The following ANKS6 variants were observed in gnomAD, a reference collection of about 807,000 sequenced individuals.
ANKS6 encodes the protein ankyrin repeat and SAM domain-containing protein 6.
A neutral mutation model predicts 77.9 loss-of-function variants in ANKS6; 47 were observed. That is an observed-to-expected ratio of 0.60 (90% CI 0.48 to 0.77). The LOEUF is 0.77. ANKS6 is among the 30% of genes least tolerant of loss of function. ANKS6 has a pLI of 0.00. For missense variants in ANKS6, 1,150 were observed against 1,159.1 expected, an observed-to-expected ratio of 0.99 and a Z score of 0.11; for synonymous variants, 488 against 501.7, an observed-to-expected ratio of 0.97 and a Z score of 0.37.
intron 4 of ANKS6, 153 bp downstream of exon 4, chr9:98,783,800 C>A: frequency 2.0e-6 from 1 of 511,374 alleles, no homozygotes. Flanking sequence ...TGAGCCTGTG[C>A]CGCTTTTTTT....
intron 3 of ANKS6, chr9:98,784,551 AC>A (rs1302283540): frequency 2.2e-6 from 1 of 445,386 alleles, no homozygotes; most frequent in Non-Finnish European, 4.0e-6. Flanking sequence ...TCACAAAGAG[AC>A]TGGAGTGGGT....
At chr9:98,765,033 G>A (rs528956858) in intron 11 of ANKS6, among the ~76,000 whole-genome samples, 3 of 152,260 alleles carry the variant, frequency 2.0e-5, no homozygotes, top group South Asian at 4.2e-4. Context: ...CCTTCTAGCT[G>A]ATTATATGCC....
intron 6 of ANKS6, 106 bp downstream of exon 6, chr9:98,780,083 G>A (rs1432745092): frequency 8.8e-6 from 13 of 1,482,674 alleles, no homozygotes; most frequent in Non-Finnish European, 1.0e-5. Flanking sequence ...CACCCCTGCA[G>A]GGACTCCCTA....
chr9:98,778,668 C>A (rs1372111021), intron 6 of ANKS6, among the ~76,000 whole-genome samples: 1 of 152,188 alleles, frequency 6.6e-6, no homozygotes, highest in East Asian at 1.9e-4. Flanking sequence ...GGCAGTGAAC[C>A]CTATTTGCCA....
At chr9:98,748,216 C>A (rs1832246489) in intron 13 of ANKS6, among the ~76,000 whole-genome samples, 1 of 152,174 alleles carries the variant, frequency 6.6e-6, no homozygotes, top group African/African-American at 2.4e-5. Context: ...CAATCTTCTG[C>A]CTCTCCATCT....
rs917215653 is a variant in ANKS6 at position 98,781,770 on chromosome 9, C to T, written c.1219+697G>A. ...GACTGCAGAGGTGAAAGTCTTCTCT[C>T]CCCACAGCCAACAGCTAGAATCCCA... On this transcript the variant is annotated intron_variant, in intron 5 of 14. Coordinates refer to ENST00000353234, the MANE Select transcript of ANKS6 (RefSeq NM_173551.5). 1.4e-4 allele frequency among the ~76,000 whole-genome samples: 22 copies of T among 152,314 alleles called. No individual in the cohort carries two copies. In the South Asian group the frequency reaches 1.7e-3, roughly 11 times the overall value.
Position 98,734,189 on chromosome 9 carries a change from GA to G in ANKS6, c.*2329del. ...AACCAGCACACAAACTTCCTAGGAT[GA>G]AAAGCCTTGGACACTTGAGTCCAGT... On this transcript the variant is annotated 3_prime_UTR_variant, in exon 15 of 15. Transcript: ENST00000353234. 2.0e-6 allele frequency: 2 copies of G among 985,440 alleles called. No homozygotes were observed. Among genetic ancestry groups the G allele is most frequent in the South Asian group, 9.4e-5 (2 of 21,278 alleles). The allele number at this position is 985,440 out of a possible 1,614,324, so 61.0% of individuals were successfully genotyped here.
At chr9:98,742,484 T>C (rs1046482048) in intron 14 of ANKS6, among the ~76,000 whole-genome samples, 3 of 152,236 alleles carry the variant, frequency 2.0e-5, no homozygotes, top group Admixed American at 6.5e-5. Context: ...CTCCTAAACA[T>C]GCCTTTTCTC....
At chr9:98,750,895 A>C (rs1264742554) in intron 13 of ANKS6, 134 bp downstream of exon 13, 1 of 698,056 alleles carries the variant, frequency 1.4e-6, no homozygotes, top group Non-Finnish European at 2.4e-6. Flanking sequence ...AATCCCGCTA[A>C]GCACGAATTC....
chr9:98,751,333 C>T (rs556552969), intron 12 of ANKS6, among the ~76,000 whole-genome samples: 124 of 152,046 alleles, frequency 8.2e-4, no homozygotes, highest in African/African-American at 3.0e-3. Flanking sequence ...CCACGTCAGG[C>T]TGTGAAGACA....
In ANKS6 at chr9:98,768,162, T is replaced by C; in HGVS notation, c.2061A>G (p.Ser687=). ...ACCCCGGTGCTGGCCCCACAGGGCT[T>C]GACCGATGGCTGGGTTTCTGCTCCA... ...GLLEQKPSHR[S]SPVGPAPGSS... The change falls in exon 11 of 15, where the codon TCA becomes TCG. Residue 687 remains serine, a synonymous_variant. Coordinates refer to ENST00000353234, the MANE Select transcript of ANKS6 (RefSeq NM_173551.5). The C allele has an allele frequency of 6.2e-7, 1 of 1,614,016 alleles. No individual in the cohort carries two copies. Among genetic ancestry groups the C allele is most frequent in the Non-Finnish European group, 8.5e-7 (1 of 1,180,014 alleles).
At chr9:98,782,445 C>A in intron 5 of ANKS6, 22 bp downstream of exon 5, 1 of 1,604,604 alleles carries the variant, frequency 6.2e-7, no homozygotes, top group Non-Finnish European at 8.5e-7. Context: ...AGATTTACAA[C>A]CCTTTTCTTG....
intron 3 of ANKS6, 122 bp downstream of exon 3, chr9:98,784,710 A>C: frequency 1.1e-6 from 1 of 931,162 alleles, no homozygotes; most frequent in Non-Finnish European, 1.7e-6. Context: ...AACACCAAAC[A>C]CCAAAATGCC....
chr9:98,756,031 T>G (rs998837378), intron 12 of ANKS6, among the ~76,000 whole-genome samples: 1 of 152,142 alleles, frequency 6.6e-6, no homozygotes. Flanking sequence ...TCCCATCATA[T>G]GAGCCAATGA....
Position 98,732,635 on chromosome 9 carries a change from C to T in ANKS6, c.*3884G>A. ...ATGGGCAACCATCTTTGAGGTTTCCCACATCTGCACCGCTCCACAGTGTGA... is the reference window on the plus strand; with the variant it reads ...ATGGGCAACCATCTTTGAGGTTTCCTACATCTGCACCGCTCCACAGTGTGA... On this transcript the variant is annotated 3_prime_UTR_variant, in exon 15 of 15. Coordinates refer to ENST00000353234, the MANE Select transcript of ANKS6 (RefSeq NM_173551.5). 6.5e-7 allele frequency: 1 copy of T among 1,545,766 alleles called. No individual in the cohort carries two copies. Among genetic ancestry groups the T allele is most frequent in the Admixed American group, 2.0e-5 (1 of 50,790 alleles).
Position 98,782,362 on chromosome 9 carries a change from A to T in ANKS6, c.1219+105T>A. 1.9e-6 allele frequency: 2 copies of T among 1,027,084 alleles called. 1 individual carries two copies. Among genetic ancestry groups the T allele is most frequent in the South Asian group, 3.0e-5 (2 of 67,552 alleles). 63.6% of individuals were successfully genotyped at this position (1,027,084 alleles called of 1,614,324 possible). On this transcript the variant is annotated intron_variant, in intron 5 of 14. Transcript: ENST00000353234. ...CACTTGAGAGTGACTTTCCCCCACG[A>T]ATAAGCAAGTGCTTAAAACACAAGT...
chr9:98,737,115 G>A (rs945059764), intron 14 of ANKS6, among the ~76,000 whole-genome samples: 5 of 151,956 alleles, frequency 3.3e-5, no homozygotes, highest in African/African-American at 7.3e-5. Flanking sequence ...TTCCTACAAC[G>A]CCCCCTGCCC....
At chr9:98,762,134 T>C (rs888885364) in intron 11 of ANKS6, among the ~76,000 whole-genome samples, 2 of 152,184 alleles carry the variant, frequency 1.3e-5, no homozygotes, top group Non-Finnish European at 2.9e-5. Context: ...ATATAATACA[T>C]TTTCACATAA....
Position 98,733,821 on chromosome 9 carries a change from T to A in ANKS6, c.*2698A>T, listed in dbSNP as rs1197547428. ...CAGGGAACCTCACCCCACTTTCACA[T>A]ACACACCCTACGTTTCTTTATGAAA... On this transcript the variant is annotated 3_prime_UTR_variant, in exon 15 of 15. Coordinates refer to ENST00000353234, the MANE Select transcript of ANKS6 (RefSeq NM_173551.5). The A allele has an allele frequency of 4.1e-6, 4 of 985,260 alleles. No homozygotes were observed. Among genetic ancestry groups the A allele is most frequent in the Non-Finnish European group, 4.8e-6 (4 of 829,920 alleles). The allele number at this position is 985,260 out of a possible 1,614,324, so 61.0% of individuals were successfully genotyped here.
Sources: gnomAD v4.1 joint callset for allele counts (sites outside exome capture counted in the v4.1 genomes callset) on GRCh38, gnomAD v4.1.1 for gene constraint, MANE v1.5 for transcripts, NCBI Gene and HGNC (gene_info 2026-07-23, HGNC 2026-07-21) for gene names.